Variants in SLC6A15 observed in about 807,000 individuals in gnomAD.
The protein encoded by SLC6A15 is solute carrier family 6 member 15, also known as sodium-dependent neutral amino acid transporter B(0)AT2.
Under a neutral mutation model 68.5 loss-of-function variants are expected in SLC6A15, and 33 were observed. The observed-to-expected ratio is 0.48, with a 90% confidence interval of 0.37 to 0.64. SLC6A15 has a LOEUF of 0.64. Among genes scored for constraint, SLC6A15 ranks in the 30% least tolerant of loss-of-function variants. The pLI is 0.00. For missense variants in SLC6A15, 747 were observed against 874.3 expected (o/e 0.85, Z 1.84); for synonymous variants, 347 against 301.0 (o/e 1.15, Z -1.58).
chr12:84,893,653 T>A (rs1215741957), intron 1 of SLC6A15, among the ~76,000 whole-genome samples: 1 of 152,186 alleles, frequency 6.6e-6, no homozygotes, highest in Non-Finnish European at 1.5e-5. Context: ...TGCTATTAGA[T>A]TGACATTAAA....
intron 1 of SLC6A15, among the ~76,000 whole-genome samples, chr12:84,904,399 AT>A (rs532585036): frequency 1.8e-4 from 28 of 152,272 alleles, no homozygotes; most frequent in African/African-American, 6.5e-4. Context: ...CAGAAGAATG[AT>A]TTTAAAAAGT....
At chr12:84,902,007 T>G (rs1849339469) in intron 1 of SLC6A15, among the ~76,000 whole-genome samples, 1 of 151,878 alleles carries the variant, frequency 6.6e-6, no homozygotes, top group African/African-American at 2.4e-5. Flanking sequence ...GTATGCCAAT[T>G]AGTTTATAGT....
At chr12:84,891,685 C>G in intron 2 of SLC6A15, 147 bp downstream of exon 2, 1 of 803,926 alleles carries the variant, frequency 1.2e-6, no homozygotes, top group South Asian at 1.9e-5. Context: ...CATATCTGGG[C>G]TCACTTCCCA....
At chr12:84,872,938 T>A (rs10862945) in intron 7 of SLC6A15, 144 bp from the exon 8 acceptor site, 511,056 of 1,220,984 alleles carry the variant, frequency 0.42, 116,297 homozygotes, top group African/African-American at 0.79. Flanking sequence ...GACTATCCCA[T>A]TTACCCAGAT....
chr12:84,911,029 G>A (rs184696964), intron 1 of SLC6A15, among the ~76,000 whole-genome samples: 40 of 151,986 alleles, frequency 2.6e-4, no homozygotes, highest in African/African-American at 8.2e-4. Context: ...TATTTATTAA[G>A]AACGTACAAG....
rs1461229723 is a variant in SLC6A15, at chr12:84,885,372, G to C, written c.574+63C>G. 2.9e-6 allele frequency: 4 copies of C among 1,391,664 alleles called. No individual in the cohort carries two copies. In the East Asian group the frequency reaches 1.0e-4, roughly 36 times the overall value. The allele number at this position is 1,391,664 out of a possible 1,614,324, so 86.2% of individuals were successfully genotyped here. ...TTTTAAAAAGAAAAAAATCTTGAAAGCTTGTACCTTTGCCACTCTTATAAT... is the reference window on the plus strand; with the variant it reads ...TTTTAAAAAGAAAAAAATCTTGAAACCTTGTACCTTTGCCACTCTTATAAT... On this transcript the variant is annotated intron_variant, in intron 4 of 11. Transcript: ENST00000266682.
In SLC6A15 at chr12:84,872,767, C is replaced by T. The variant is rs905278061; in HGVS notation, c.1137G>A (p.Leu379=). The change falls in exon 8 of 12, where the codon TTG becomes TTA. Residue 379 remains leucine (L), a synonymous_variant. Coordinates refer to ENST00000266682, the MANE Select transcript of SLC6A15 (RefSeq NM_182767.6). The stretch of plus-strand genomic sequence containing the variant: ...TATCCTGACTAATGTTCCCCATTTT[C>T]AAAAATTTCATGATCGTCTCTGAAT... ...TQNSETIMKF[L]KMGNISQDII... 6.2e-7 allele frequency: 1 copy of T among 1,602,068 alleles called. No homozygotes were observed.
intron 1 of SLC6A15, among the ~76,000 whole-genome samples, chr12:84,904,224 G>GGAAAGAGAGAGA (rs1555183256): frequency 1.6e-5 from 2 of 121,996 alleles, no homozygotes; most frequent in Non-Finnish European, 3.2e-5. Context: ...GGGCGGAGGG[G>GGAAAGAGAGAGA]GAGAGAGAGA....
chr12:84,891,675 C>T (rs1022813664), intron 2 of SLC6A15, among the ~76,000 whole-genome samples, 157 bp downstream of exon 2: 2 of 152,146 alleles, frequency 1.3e-5, no homozygotes, highest in African/African-American at 4.8e-5. Context: ...AATCTGAAAA[C>T]ATATCTGGGC....
intron 7 of SLC6A15, 35 bp downstream of exon 7, chr12:84,873,052 T>C: frequency 1.3e-6 from 2 of 1,597,302 alleles, no homozygotes; most frequent in Non-Finnish European, 1.7e-6. Context: ...AGATAAAAAC[T>C]AAGAAAAAAG....
At position 84,873,651 on chromosome 12, in the gene SLC6A15, T is replaced by A. The variant is rs576233118; in HGVS notation, c.868-323A>T. ...AGAAAAATTAATTATCCTCAATCAT[T>A]TCCCATTATGTCTTTTTTTCTTTCC... is the stretch of plus-strand genomic sequence containing the variant. On this transcript the variant is annotated intron_variant, in intron 6 of 11. Transcript: ENST00000266682. Among the ~76,000 whole-genome samples the A allele has an allele frequency of 1.1e-3, 163 of 152,276 alleles. 1 individual carries two copies. Among genetic ancestry groups the A allele is most frequent in the African/African-American group, 3.8e-3 (157 of 41,550 alleles).
intron 1 of SLC6A15, among the ~76,000 whole-genome samples, chr12:84,899,551 C>A (rs1872764970): frequency 6.6e-6 from 1 of 152,120 alleles, no homozygotes; most frequent in Non-Finnish European, 1.5e-5. Context: ...CATTGCCAAG[C>A]ATCCCATTGT....
At chr12:84,885,596 A>C in intron 3 of SLC6A15, 35 bp from the exon 4 acceptor site, 1 of 1,578,064 alleles carries the variant, frequency 6.3e-7, no homozygotes. Flanking sequence ...TAAACCTCTC[A>C]TACCTCTTCC....
chr12:84,866,066 CA>C (rs560595511), intron 10 of SLC6A15, among the ~76,000 whole-genome samples: 22 of 151,670 alleles, frequency 1.5e-4, no homozygotes, highest in Non-Finnish European at 2.4e-4. Context: ...TTGGCAACCA[CA>C]AAAAACATTC....
chr12:84,871,075 T>G (rs1871266286), intron 8 of SLC6A15, among the ~76,000 whole-genome samples: 1 of 151,712 alleles, frequency 6.6e-6, no homozygotes. Context: ...CTGGCTCATA[T>G]ATAAAGATTT....
rs182036274 is a variant in SLC6A15 at position 84,864,671 on chromosome 12, C to G, written c.1656-1070G>C. Among the ~76,000 whole-genome samples the G allele has an allele frequency of 2.4e-4, 36 of 152,078 alleles. No homozygotes were observed. In the East Asian group the frequency reaches 3.3e-3, roughly 14 times the overall value. Reference sequence around the variant, plus strand: ...CCTTTTTCATTTCTTCCAAGTTGCTCCAGAATCTTAAAGGACATCTTCAAT... The same window carrying G: ...CCTTTTTCATTTCTTCCAAGTTGCTGCAGAATCTTAAAGGACATCTTCAAT... On this transcript the variant is annotated intron_variant, in intron 10 of 11. Transcript: ENST00000266682.
intron 6 of SLC6A15, among the ~76,000 whole-genome samples, chr12:84,873,926 G>T (rs1871402666): frequency 2.0e-5 from 3 of 152,138 alleles, no homozygotes; most frequent in African/African-American, 7.2e-5. Context: ...CAGATCCAAA[G>T]TTCTGACATT....
At chr12:84,891,596 T>C (rs1478894189) in intron 2 of SLC6A15, among the ~76,000 whole-genome samples, 4 of 152,148 alleles carry the variant, frequency 2.6e-5, no homozygotes, top group Non-Finnish European at 4.4e-5. Flanking sequence ...GAGAAAGAAG[T>C]TGAGAATGTG....
intron 5 of SLC6A15, chr12:84,883,470 C>A: frequency 3.4e-6 from 4 of 1,180,770 alleles, no homozygotes; most frequent in Non-Finnish European, 4.2e-6. Context: ...CAAATGATAT[C>A]AAACAAACAA....
Sources: allele counts gnomAD v4.1 joint callset (sites outside exome capture counted in the v4.1 genomes callset), GRCh38; gene constraint gnomAD v4.1.1; transcripts MANE v1.5; gene names NCBI Gene and HGNC (gene_info 2026-07-23, HGNC 2026-07-21).